The following LRP1B variants were observed in gnomAD, a reference collection of about 807,000 sequenced individuals.
LRP1B encodes low-density lipoprotein receptor-related protein 1B.
A neutral mutation model predicts 556.6 loss-of-function variants in LRP1B; 217 were observed. That is an observed-to-expected ratio of 0.39 (90% CI 0.35 to 0.44). LRP1B has a LOEUF of 0.44. LRP1B is among the 20% of genes least tolerant of loss of function. The probability of loss-of-function intolerance (pLI) is 1.00; values close to 1 mark genes in which losing one functional copy is unlikely to be tolerated. For synonymous variants in LRP1B, 2,047 were observed against 1,865.8 expected (o/e 1.10, Z -2.50); for missense variants, 5,053 against 5,620.8 (o/e 0.90, Z 3.23).
chr2:142,001,360 A>T (rs1258386829), intron 1 of LRP1B, among the ~76,000 whole-genome samples: 2 of 152,226 alleles, frequency 1.3e-5, no homozygotes, highest in Non-Finnish European at 2.9e-5. Flanking sequence ...CTAGTTGAAA[A>T]GAAAAATGCA....
At chr2:141,298,540 A>T (rs1686271772) in intron 3 of LRP1B, among the ~76,000 whole-genome samples, 1 of 152,180 alleles carries the variant, frequency 6.6e-6, no homozygotes, top group Non-Finnish European at 1.5e-5. Flanking sequence ...ACACACATTG[A>T]TGCTGGGAGG....
intron 2 of LRP1B, among the ~76,000 whole-genome samples, chr2:141,679,880 T>C (rs1469117264): frequency 6.6e-6 from 1 of 151,184 alleles, no homozygotes; most frequent in Non-Finnish European, 1.5e-5. Context: ...ATATAAAAAA[T>C]ACTATATATT....
chr2:140,272,498 T>C (rs541914296), intron 85 of LRP1B, among the ~76,000 whole-genome samples: 1 of 152,012 alleles, frequency 6.6e-6, no homozygotes, highest in Non-Finnish European at 1.5e-5. Flanking sequence ...CTCACTGTAC[T>C]TGATAGAGTA....
At chr2:141,495,318 T>C (rs1168051388) in intron 2 of LRP1B, among the ~76,000 whole-genome samples, 1 of 152,162 alleles carries the variant, frequency 6.6e-6, no homozygotes, top group African/African-American at 2.4e-5. Flanking sequence ...TTGATTTATT[T>C]TTGTTTCATC....
At chr2:142,082,013 A>G (rs942509219) in intron 1 of LRP1B, among the ~76,000 whole-genome samples, 3 of 152,214 alleles carry the variant, frequency 2.0e-5, no homozygotes, top group Non-Finnish European at 1.5e-5. Context: ...ACAGAGTTAC[A>G]TCATTTTGTC....
chr2:141,105,808 T>C (rs1033566845), intron 7 of LRP1B, among the ~76,000 whole-genome samples: 1 of 152,158 alleles, frequency 6.6e-6, no homozygotes, highest in Admixed American at 6.6e-5. Flanking sequence ...ATTTTCAAAA[T>C]GTATTTTTTT....
chr2:141,367,984 T>C (rs557724236), intron 3 of LRP1B, among the ~76,000 whole-genome samples: 166 of 152,146 alleles, frequency 1.1e-3, no homozygotes, highest in Non-Finnish European at 2.1e-3. Flanking sequence ...TTCACTACAA[T>C]ACAGCTAATC....
intron 41 of LRP1B, among the ~76,000 whole-genome samples, chr2:140,676,776 C>T (rs1360336099): frequency 1.3e-5 from 2 of 152,068 alleles, no homozygotes; most frequent in Non-Finnish European, 2.9e-5. Context: ...TATTATAGGA[C>T]ATTTCTTTTT....
At position 141,817,277 on chromosome 2, in the gene LRP1B, G is replaced by A. The variant is rs552441672; in HGVS notation, c.83-6876C>T. Among the ~76,000 whole-genome samples the A allele has an allele frequency of 2.0e-5, 3 of 152,058 alleles. No homozygotes were observed. In the South Asian group the frequency reaches 6.2e-4, roughly 32 times the overall value. On this transcript the variant is annotated intron_variant, in intron 1 of 90. Transcript: ENST00000389484. ...AAGGAGCTTATGGAAATGTGAAGGCGGTTTCACTTACATGCCTAAGGAAGA... is the reference window on the plus strand; with the variant it reads ...AAGGAGCTTATGGAAATGTGAAGGCAGTTTCACTTACATGCCTAAGGAAGA...
At chr2:140,477,785 G>A (rs1436023746) in intron 59 of LRP1B, among the ~76,000 whole-genome samples, 2 of 152,060 alleles carry the variant, frequency 1.3e-5, no homozygotes, top group Non-Finnish European at 2.9e-5. Flanking sequence ...ATCACACTCA[G>A]TAAGTTTGGT....
At chr2:141,443,973 G>A (rs1272652774) in intron 3 of LRP1B, among the ~76,000 whole-genome samples, 1 of 151,924 alleles carries the variant, frequency 6.6e-6, no homozygotes, top group East Asian at 1.9e-4. Context: ...GTGAAGAAAG[G>A]CAATGGTAGC....
intron 1 of LRP1B, among the ~76,000 whole-genome samples, chr2:142,085,163 T>C (rs923668063): frequency 1.7e-4 from 26 of 152,314 alleles, no homozygotes; most frequent in Admixed American, 1.6e-3. Flanking sequence ...CCTGTGCCTA[T>C]AAACTCTCTC....
At chr2:141,148,965 T>C (rs1038966917) in intron 7 of LRP1B, among the ~76,000 whole-genome samples, 1 of 152,062 alleles carries the variant, frequency 6.6e-6, no homozygotes, top group African/African-American at 2.4e-5. Flanking sequence ...GGCACATGCC[T>C]GTACTCCCAG....
At chr2:141,106,438 A>C (rs1177483815) in intron 7 of LRP1B, among the ~76,000 whole-genome samples, 1 of 152,178 alleles carries the variant, frequency 6.6e-6, no homozygotes. Flanking sequence ...AAAATAAATA[A>C]ATAAAAGTTA....
intron 1 of LRP1B, among the ~76,000 whole-genome samples, chr2:141,939,509 A>C (rs1032110830): frequency 6.6e-6 from 1 of 152,088 alleles, no homozygotes; most frequent in African/African-American, 2.4e-5. Flanking sequence ...TAATTACAAA[A>C]TTTTCAGGAA....
intron 1 of LRP1B, among the ~76,000 whole-genome samples, chr2:141,959,679 T>C (rs550110929): frequency 8.7e-4 from 132 of 152,120 alleles, no homozygotes; most frequent in African/African-American, 3.0e-3. Context: ...TAAAATATTA[T>C]TTCAACATAC....
chr2:140,266,953 G>A (rs549688991), intron 86 of LRP1B, among the ~76,000 whole-genome samples: 20 of 152,222 alleles, frequency 1.3e-4, no homozygotes, highest in African/African-American at 4.6e-4. Flanking sequence ...CTGCAATGCA[G>A]TGTAAGAGTT....
At chr2:140,485,841 G>GCACACACACACACACA (rs879704162) in intron 58 of LRP1B, among the ~76,000 whole-genome samples, 3 of 54,732 alleles carry the variant, frequency 5.5e-5, no homozygotes, top group African/African-American at 1.7e-4. Context: ...AAATTCTCAC[G>GCACACACACACACACA]CACATACACA....
chr2:141,662,640 T>A (rs1484117213), intron 2 of LRP1B, among the ~76,000 whole-genome samples: 1 of 152,044 alleles, frequency 6.6e-6, no homozygotes, highest in Non-Finnish European at 1.5e-5. Context: ...CTATCCTACA[T>A]ATATATTCAC....
Sources: allele counts gnomAD v4.1 joint callset (sites outside exome capture counted in the v4.1 genomes callset), GRCh38; gene constraint gnomAD v4.1.1; transcripts MANE v1.5; gene names NCBI Gene and HGNC (gene_info 2026-07-23, HGNC 2026-07-21).